The following MDGA2 variants were observed in gnomAD, a reference collection of about 807,000 sequenced individuals.
MDGA2 encodes the protein MAM domain-containing glycosylphosphatidylinositol anchor protein 2.
Under a neutral mutation model 117.8 loss-of-function variants are expected in MDGA2, and 40 were observed. The ratio of observed to expected loss-of-function variants is 0.34; its 90% CI spans 0.26 to 0.44. The LOEUF (loss-of-function observed/expected upper bound fraction) is 0.44, where lower values mean the gene tolerates loss of function less well. MDGA2 is among the 20% of genes least tolerant of loss of function. The pLI, the probability that MDGA2 is intolerant of heterozygous loss-of-function variation, is 1.00. For missense variants in MDGA2, 1,123 were observed against 1,250.6 expected (o/e 0.90, Z 1.54); for synonymous variants, 452 against 439.0 (o/e 1.03, Z -0.37).
chr14:46,931,854 C>A (rs147360240), intron 9 of MDGA2, among the ~76,000 whole-genome samples: 1,827 of 151,992 alleles, frequency 0.012, 39 homozygotes, highest in African/African-American at 0.042. Flanking sequence ...GAAATGTAAT[C>A]AATTTAATTG....
intron 1 of MDGA2, among the ~76,000 whole-genome samples, chr14:47,470,928 T>G (rs139256672): frequency 3.3e-5 from 5 of 152,040 alleles, no homozygotes; most frequent in Non-Finnish European, 5.9e-5. Context: ...TATCAGGGAG[T>G]GAATTTACAT....
intron 3 of MDGA2, chr14:47,200,952 C>T (rs1885482296): frequency 1.2e-6 from 1 of 833,400 alleles, no homozygotes; most frequent in African/African-American, 1.7e-5. Context: ...CGAACTTCAA[C>T]TTGTTTCTGT....
At chr14:47,361,205 C>CTATATATATATA (rs1244944759) in intron 1 of MDGA2, among the ~76,000 whole-genome samples, 1 of 124,642 alleles carries the variant, frequency 8.0e-6, no homozygotes, top group African/African-American at 2.9e-5. Context: ...CTCTCTCTCT[C>CTATATATATATA]TCTATATATA....
intron 15 of MDGA2, among the ~76,000 whole-genome samples, chr14:46,848,072 T>A (rs1416522000): frequency 6.6e-6 from 1 of 151,958 alleles, no homozygotes; most frequent in East Asian, 1.9e-4. Flanking sequence ...TGCATTCCCA[T>A]GGGCTTTATG....
intron 1 of MDGA2, among the ~76,000 whole-genome samples, chr14:47,593,588 G>A (rs182732632): frequency 0.014 from 2,135 of 152,264 alleles, 49 homozygotes; most frequent in Admixed American, 0.055. Context: ...GGACATGGAT[G>A]GAGTTGGAAG....
intron 2 of MDGA2, among the ~76,000 whole-genome samples, chr14:47,231,512 T>A (rs1162761544): frequency 6.6e-6 from 1 of 152,014 alleles, no homozygotes; most frequent in East Asian, 1.9e-4. Flanking sequence ...CAAGAACAAG[T>A]GAAAATGGAA....
intron 3 of MDGA2, among the ~76,000 whole-genome samples, chr14:47,213,364 T>C (rs557932259): frequency 6.6e-6 from 1 of 152,186 alleles, no homozygotes; most frequent in Non-Finnish European, 1.5e-5. Context: ...GTTTGGACAT[T>C]TTAAAGAGCT....
At chr14:47,604,343 G>T (rs931605772) in intron 1 of MDGA2, among the ~76,000 whole-genome samples, 2 of 151,484 alleles carry the variant, frequency 1.3e-5, no homozygotes, top group Admixed American at 6.6e-5. Context: ...AAGAGATGGG[G>T]TCTTGCTCTG....
chr14:46,900,406 A>G (rs768078360), intron 10 of MDGA2, among the ~76,000 whole-genome samples: 2 of 152,178 alleles, frequency 1.3e-5, no homozygotes, highest in Non-Finnish European at 2.9e-5. Flanking sequence ...GAACTTGTAC[A>G]TGAATGCTTA....
At chr14:47,260,360 A>C (rs930747044) in intron 2 of MDGA2, among the ~76,000 whole-genome samples, 1 of 152,066 alleles carries the variant, frequency 6.6e-6, no homozygotes, top group East Asian at 1.9e-4. Context: ...TGGGGAAAAA[A>C]GGTGACATAA....
intron 1 of MDGA2, among the ~76,000 whole-genome samples, chr14:47,627,806 C>A (rs1369946602): frequency 6.6e-6 from 1 of 152,164 alleles, no homozygotes; most frequent in African/African-American, 2.4e-5. Context: ...CTCTTTGGGT[C>A]CACACTGCCT....
At chr14:47,073,532 T>C (rs1253080702) in intron 6 of MDGA2, among the ~76,000 whole-genome samples, 1 of 152,192 alleles carries the variant, frequency 6.6e-6, no homozygotes, top group Admixed American at 6.5e-5. Flanking sequence ...ACTCACAGCA[T>C]GTCTATCACT....
At chr14:47,391,405 C>T (rs1048289331) in intron 1 of MDGA2, among the ~76,000 whole-genome samples, 3 of 152,106 alleles carry the variant, frequency 2.0e-5, no homozygotes, top group African/African-American at 7.2e-5. Flanking sequence ...TGTGAAACTG[C>T]CTCTAAGAAA....
intron 1 of MDGA2, among the ~76,000 whole-genome samples, chr14:47,343,764 C>CT (rs891297214): frequency 5.1e-4 from 78 of 151,778 alleles, no homozygotes; most frequent in African/African-American, 1.9e-3. Flanking sequence ...TGCTCTAGGC[C>CT]TTTTTTTTCT....
Position 47,207,108 on chromosome 14 carries a change from A to G in MDGA2, c.595+10913T>C, listed in dbSNP as rs753692513. ...TTGTCACTGAGTTGTTCATTTGGAC[A>G]TAGTTACAGTAAATAATGACATAAG... On this transcript the variant is annotated intron_variant, in intron 3 of 16. Transcript: ENST00000399232. Among the ~76,000 whole-genome samples the G allele has an allele frequency of 1.1e-4, 16 of 152,126 alleles. 1 individual carries two copies. The highest frequency in any genetic ancestry group is 3.3e-4 in the Admixed American group (5 of 15,270).
chr14:47,540,712 C>T (rs1326092329), intron 1 of MDGA2, among the ~76,000 whole-genome samples: 1 of 151,314 alleles, frequency 6.6e-6, no homozygotes, highest in Non-Finnish European at 1.5e-5. Context: ...AGGTATGCAC[C>T]CCCATGCCTG....
intron 6 of MDGA2, among the ~76,000 whole-genome samples, chr14:47,091,794 T>C (rs1244369484): frequency 2.0e-5 from 3 of 152,090 alleles, no homozygotes; most frequent in African/African-American, 7.2e-5. Flanking sequence ...TGTATGCCCA[T>C]TCAAGCTCCG....
At chr14:46,908,550 T>C (rs1314373154) in intron 10 of MDGA2, among the ~76,000 whole-genome samples, 1 of 152,184 alleles carries the variant, frequency 6.6e-6, no homozygotes, top group Non-Finnish European at 1.5e-5. Flanking sequence ...TAAGTTCTTA[T>C]TCGTCAAGAG....
At chr14:47,311,049 A>G (rs1267246053) in intron 1 of MDGA2, among the ~76,000 whole-genome samples, 2 of 152,116 alleles carry the variant, frequency 1.3e-5, no homozygotes, top group Admixed American at 6.6e-5. Context: ...CTTGCCTCTT[A>G]TAAATTATCA....
Sources: gnomAD v4.1 joint callset for allele counts (sites outside exome capture counted in the v4.1 genomes callset) on GRCh38, gnomAD v4.1.1 for gene constraint, MANE v1.5 for transcripts, NCBI Gene and HGNC (gene_info 2026-07-23, HGNC 2026-07-21) for gene names.